TRIO: variants seen among roughly 807,000 people sequenced by gnomAD.
TRIO encodes the protein triple functional domain protein.
A neutral mutation model predicts 351.9 loss-of-function variants in TRIO; 58 were observed. The ratio of observed to expected loss-of-function variants is 0.16; its 90% CI spans 0.13 to 0.21. TRIO has a LOEUF of 0.21. Ranked by LOEUF, TRIO falls within the 10% of genes least tolerant of loss-of-function variation. The pLI is 1.00. For missense variants in TRIO, 3,201 were observed against 4,027.8 expected, an observed-to-expected ratio of 0.79 and a Z score of 5.56; for synonymous variants, 1,758 against 1,595.7, an observed-to-expected ratio of 1.10 and a Z score of -2.42.
chr5:14,350,354 A>G (rs1742946154), intron 11 of TRIO, among the ~76,000 whole-genome samples: 1 of 152,170 alleles, frequency 6.6e-6, no homozygotes, highest in African/African-American at 2.4e-5. Flanking sequence ...CTGGGTAACA[A>G]CTTTTGTTGA....
intron 1 of TRIO, among the ~76,000 whole-genome samples, chr5:14,240,329 G>A (rs1025634505): frequency 6.6e-6 from 1 of 152,118 alleles, no homozygotes; most frequent in Non-Finnish European, 1.5e-5. Flanking sequence ...CAAATCATGA[G>A]CTTCTCAGTG....
At chr5:14,265,081 T>C (rs1198091515) in intron 1 of TRIO, among the ~76,000 whole-genome samples, 4 of 140,154 alleles carry the variant, frequency 2.9e-5, no homozygotes, top group African/African-American at 1.0e-4. Flanking sequence ...GTATGTAGGA[T>C]TCTTTTTTTT....
intron 38 of TRIO, 86 bp from the exon 39 acceptor site, chr5:14,472,506 A>C: frequency 7.3e-7 from 1 of 1,373,142 alleles, no homozygotes; most frequent in Non-Finnish European, 1.0e-6. Flanking sequence ...CAGTCCTGGA[A>C]GGAGTCCATC....
chr5:14,488,058 G>A lies in TRIO; in HGVS notation c.7430G>A (p.Ser2477Asn), dbSNP rs769530289. Reference sequence around the variant, plus strand: ...GGCAAGGAGCCCTTCCCCCCCAGCAGCCCCCTGCAGAAGGGGGGCTCCTTC... The same window carrying A: ...GGCAAGGAGCCCTTCCCCCCCAGCAACCCCCTGCAGAAGGGGGGCTCCTTC... ...SLGKEPFPPS[S>N]PLQKGGSFWS... Residue 2477 changes from serine to asparagine, a missense_variant, in exon 48 of 57, where the codon AGC becomes AAC. Coordinates refer to ENST00000344204, the MANE Select transcript of TRIO (RefSeq NM_007118.4). 6.2e-7 allele frequency: 1 copy of A among 1,609,422 alleles called. No individual in the cohort carries two copies. The highest frequency in any genetic ancestry group is 2.2e-5 in the East Asian group (1 of 44,748).
chr5:14,411,852 C>T (rs1236630911), intron 33 of TRIO, among the ~76,000 whole-genome samples: 1 of 152,192 alleles, frequency 6.6e-6, no homozygotes, highest in Non-Finnish European at 1.5e-5. Flanking sequence ...AGCAATCCTC[C>T]CACCTCAGCC....
intron 15 of TRIO, among the ~76,000 whole-genome samples, chr5:14,365,564 T>C (rs992496945): frequency 2.6e-5 from 4 of 152,236 alleles, no homozygotes; most frequent in African/African-American, 9.6e-5. Flanking sequence ...TGGGTATTTT[T>C]ACATATAAAT....
intron 4 of TRIO, among the ~76,000 whole-genome samples, chr5:14,288,262 A>G (rs1012649697): frequency 2.6e-5 from 4 of 152,210 alleles, no homozygotes; most frequent in African/African-American, 9.7e-5. Flanking sequence ...TTTCCAGTCC[A>G]GTTTTGATCT....
At chr5:14,470,406 C>T (rs1413552017) in intron 37 of TRIO, among the ~76,000 whole-genome samples, 1 of 152,006 alleles carries the variant, frequency 6.6e-6, no homozygotes, top group African/African-American at 2.4e-5. Flanking sequence ...CATTTTTTTC[C>T]AGTTCAATCA....
intron 33 of TRIO, among the ~76,000 whole-genome samples, chr5:14,419,461 A>T (rs1485910084): frequency 6.6e-6 from 1 of 152,148 alleles, no homozygotes; most frequent in East Asian, 1.9e-4. Flanking sequence ...ATCTCATTTT[A>T]TCACCATATT....
intron 10 of TRIO, among the ~76,000 whole-genome samples, chr5:14,336,154 AACTCT>A (rs1197518680): frequency 6.6e-6 from 1 of 152,156 alleles, no homozygotes; most frequent in Non-Finnish European, 1.5e-5. Flanking sequence ...CATAGACTGG[AACTCT>A]CTGCTTGGTG....
Position 14,225,798 on chromosome 5 carries a change from C to CA in TRIO, c.158-45027_158-45026insA, listed in dbSNP as rs200060523. 4.1e-3 allele frequency among the ~76,000 whole-genome samples: 548 copies of CA among 134,352 alleles called. 9 individuals are homozygous for CA. Among genetic ancestry groups the CA allele is most frequent in the African/African-American group, 0.016 (511 of 31,612 alleles). The allele number at this position is 134,352 out of a possible 152,430, so 88.1% of individuals were successfully genotyped here. ...CATCATATTCACTGCTCCCACCCCC[C>CA]CCCCCACCTCCAAGCCCAAAAGGAT... On this transcript the variant is annotated intron_variant, in intron 1 of 56. Coordinates refer to ENST00000344204, the MANE Select transcript of TRIO (RefSeq NM_007118.4).
At chr5:14,488,893 C>T (rs1251127624) in intron 48 of TRIO, 3 of 747,930 alleles carry the variant, frequency 4.0e-6, no homozygotes, top group Non-Finnish European at 7.3e-6. Flanking sequence ...CAGGCTGGGG[C>T]CGGTCCCTGC....
At chr5:14,413,490 C>T (rs1446136540) in intron 33 of TRIO, among the ~76,000 whole-genome samples, 3 of 152,234 alleles carry the variant, frequency 2.0e-5, no homozygotes, top group Admixed American at 6.5e-5. Flanking sequence ...GACAGAGCCC[C>T]GCTCCCCTGG....
intron 48 of TRIO, chr5:14,490,747 G>C (rs1323561309): frequency 2.2e-6 from 1 of 454,532 alleles, no homozygotes; most frequent in Non-Finnish European, 4.4e-6. Context: ...CTAATAGTTA[G>C]GATTGTAGTA....
chr5:14,420,110 G>T, intron 34 of TRIO, 89 bp downstream of exon 34: 4 of 1,537,132 alleles, frequency 2.6e-6, no homozygotes, highest in South Asian at 1.3e-5. Flanking sequence ...CTGTTAATGT[G>T]CATGAGCTTC....
At chr5:14,336,434 A>C in intron 10 of TRIO, 102 bp from the exon 11 acceptor site, 1 of 1,254,876 alleles carries the variant, frequency 8.0e-7, no homozygotes, top group Non-Finnish European at 1.1e-6. Context: ...TAAGTGATCA[A>C]AAATATCACA....
chr5:14,166,152 G>C (rs1024767666), intron 1 of TRIO, among the ~76,000 whole-genome samples: 6 of 152,356 alleles, frequency 3.9e-5, no homozygotes, highest in African/African-American at 1.4e-4. Context: ...CCGGTGGAGA[G>C]TCTGTTGGAT....
intron 1 of TRIO, among the ~76,000 whole-genome samples, chr5:14,243,917 C>T (rs1794280696): frequency 6.6e-6 from 1 of 152,214 alleles, no homozygotes; most frequent in African/African-American, 2.4e-5. Flanking sequence ...CTAGCTAGTA[C>T]AATAACAGCG....
In TRIO at chr5:14,143,838, A is replaced by C; in HGVS notation, c.113A>C (p.Glu38Ala). The change falls in exon 1 of 57, where the codon GAG becomes GCG. Residue 38 changes from glutamate to alanine, a missense_variant. Physicochemically the swap from Glu to Ala is moderately radical, Grantham distance 107. Transcript: ENST00000344204. Reference protein sequence around the residue: ...CGGGAGEGAEEAAKDLADIAA... With the variant: ...CGGGAGEGAEAAAKDLADIAA... ...GGCGGTGCCGGCGAGGGGGCAGAGGAGGCGGCCAAGGACCTGGCCGACATC... is the reference window on the plus strand; with the variant it reads ...GGCGGTGCCGGCGAGGGGGCAGAGGCGGCGGCCAAGGACCTGGCCGACATC... The C allele has an allele frequency of 9.3e-7, 1 of 1,070,806 alleles. No individual in the cohort carries two copies. The highest frequency in any genetic ancestry group is 1.1e-6 in the Non-Finnish European group (1 of 886,644). 66.3% of individuals were successfully genotyped at this position (1,070,806 alleles called of 1,614,324 possible). A position where few individuals can be genotyped will look rare whatever the true frequency, so the allele number is the denominator to read the frequency against.
Sources: allele counts gnomAD v4.1 joint callset (sites outside exome capture counted in the v4.1 genomes callset), GRCh38; gene constraint gnomAD v4.1.1; transcripts MANE v1.5; gene names NCBI Gene and HGNC (gene_info 2026-07-23, HGNC 2026-07-21).